Variants in TBC1D32 observed in about 807,000 individuals in gnomAD.
TBC1D32 encodes the protein TBC1 domain family member 32, also known as protein broad-minded.
A neutral mutation model predicts 170.3 loss-of-function variants in TBC1D32; 151 were observed. That is an observed-to-expected ratio of 0.89 (90% CI 0.78 to 1.01). The LOEUF (loss-of-function observed/expected upper bound fraction) is 1.01, where lower values mean the gene tolerates loss of function less well. Ranked by LOEUF, TBC1D32 falls within the 50% of genes least tolerant of loss-of-function variation. The probability of loss-of-function intolerance (pLI) is 0.00; values close to 1 mark genes in which losing one functional copy is unlikely to be tolerated. For missense variants in TBC1D32, 1,464 were observed against 1,457.1 expected (o/e 1.00, Z -0.08); for synonymous variants, 498 against 488.0 (o/e 1.02, Z -0.27).
intron 26 of TBC1D32, among the ~76,000 whole-genome samples, chr6:121,124,550 G>A (rs1411084242): frequency 1.3e-5 from 2 of 151,740 alleles, no homozygotes; most frequent in South Asian, 2.1e-4. Flanking sequence ...TGACCTTCTT[G>A]TATCTAGTCA....
intron 21 of TBC1D32, among the ~76,000 whole-genome samples, chr6:121,220,954 T>C (rs7450632): frequency 0.64 from 97,393 of 152,018 alleles, 36,721 homozygotes; most frequent in Non-Finnish European, 0.84. Flanking sequence ...AGATTTTCAA[T>C]GCAAACAAAA....
chr6:121,321,373 A>G (rs80245260), intron 2 of TBC1D32, among the ~76,000 whole-genome samples: 7,847 of 152,240 alleles, frequency 0.052, 399 homozygotes, highest in East Asian at 0.12. Context: ...GGAGAAAATG[A>G]TAAGAAATGG....
intron 24 of TBC1D32, among the ~76,000 whole-genome samples, chr6:121,156,199 T>G (rs1327905399): frequency 1.3e-5 from 2 of 151,884 alleles, no homozygotes; most frequent in Admixed American, 1.3e-4. Context: ...AAATTTGTTA[T>G]TGGTATGTTC....
intron 31 of TBC1D32, among the ~76,000 whole-genome samples, chr6:121,085,153 C>T (rs1776049333): frequency 6.7e-6 from 1 of 150,348 alleles, no homozygotes; most frequent in Admixed American, 6.7e-5. Flanking sequence ...TATAGTTCTG[C>T]TCTTTACCCT....
intron 26 of TBC1D32, among the ~76,000 whole-genome samples, chr6:121,121,047 G>GTATA (rs368377187): frequency 1.5e-4 from 23 of 151,670 alleles, no homozygotes; most frequent in African/African-American, 5.6e-4. Flanking sequence ...TATAGTATGT[G>GTATA]TATATATATA....
chr6:121,168,463 C>T (rs1388541117), intron 22 of TBC1D32, among the ~76,000 whole-genome samples: 1 of 85,312 alleles, frequency 1.2e-5, no homozygotes, highest in African/African-American at 3.7e-5. Flanking sequence ...ATCACAAGAA[C>T]AAAAAACCAA....
intron 24 of TBC1D32, among the ~76,000 whole-genome samples, chr6:121,141,143 A>G (rs1782736594): frequency 6.7e-6 from 1 of 150,336 alleles, no homozygotes; most frequent in African/African-American, 2.4e-5. Flanking sequence ...TAAATACATA[A>G]ACTCACTGTA....
In TBC1D32 at chr6:121,096,092, T is replaced by C. The variant is rs565263527; in HGVS notation, c.3466-5051A>G. The C allele has an allele frequency of 2.0e-5, 3 of 152,272 alleles. No individual in the cohort carries two copies. In the South Asian group the frequency reaches 6.2e-4, roughly 32 times the overall value. 9.4% of individuals were successfully genotyped at this position (152,272 alleles called of 1,614,324 possible). A position where few individuals can be genotyped will look rare whatever the true frequency, so the allele number is the denominator to read the frequency against. The stretch of plus-strand genomic sequence containing the variant: ...TTTTTTTGGTTGGTAGGGTATTAAT[T>C]ACTGCCATAATTTTTGAACTTATTA... On this transcript the variant is annotated intron_variant, in intron 30 of 31. Coordinates refer to ENST00000398212, the MANE Select transcript of TBC1D32 (RefSeq NM_152730.6).
chr6:121,124,917 A>T (rs967816271), intron 26 of TBC1D32, among the ~76,000 whole-genome samples: 12 of 152,140 alleles, frequency 7.9e-5, no homozygotes, highest in East Asian at 1.9e-4. Flanking sequence ...AATTTCTCTG[A>T]TAAGTTTCTG....
At chr6:121,101,969 G>C (rs1317100823) in intron 30 of TBC1D32, among the ~76,000 whole-genome samples, 1 of 152,062 alleles carries the variant, frequency 6.6e-6, no homozygotes, top group Admixed American at 6.6e-5. Flanking sequence ...GCCAAATCCT[G>C]AGTGAACTCC....
intron 30 of TBC1D32, among the ~76,000 whole-genome samples, 182 bp downstream of exon 30, chr6:121,105,841 A>G (rs188547130): frequency 3.5e-4 from 54 of 152,148 alleles, no homozygotes; most frequent in African/African-American, 1.3e-3. Flanking sequence ...AAATTCTGTG[A>G]ATGGTAGAAA....
intron 1 of TBC1D32, among the ~76,000 whole-genome samples, chr6:121,333,617 C>A (rs1811481383): frequency 6.6e-6 from 1 of 152,166 alleles, no homozygotes; most frequent in South Asian, 2.1e-4. Context: ...CGTTGGAACT[C>A]ATTGCTTTTA....
chr6:121,131,004 A>G (rs897375912), intron 25 of TBC1D32, among the ~76,000 whole-genome samples: 2 of 152,134 alleles, frequency 1.3e-5, no homozygotes, highest in African/African-American at 2.4e-5. Flanking sequence ...AAAACTATAA[A>G]GCATTGCTGA....
At chr6:121,238,648 C>G (rs1208220503) in intron 20 of TBC1D32, among the ~76,000 whole-genome samples, 1 of 152,068 alleles carries the variant, frequency 6.6e-6, no homozygotes, top group East Asian at 1.9e-4. Flanking sequence ...AGCATCTTCT[C>G]TCTGTCTGTA....
intron 29 of TBC1D32, among the ~76,000 whole-genome samples, chr6:121,108,886 G>A (rs1010737375): frequency 1.3e-5 from 2 of 152,086 alleles, no homozygotes; most frequent in Non-Finnish European, 2.9e-5. Flanking sequence ...GATGTGCCAC[G>A]CTTTACAGCA....
At chr6:121,239,424 C>T (rs1583345833) in intron 19 of TBC1D32, among the ~76,000 whole-genome samples, 1 of 152,154 alleles carries the variant, frequency 6.6e-6, no homozygotes, top group East Asian at 1.9e-4. Flanking sequence ...GAGACAATTT[C>T]CCTGGAAGAC....
At chr6:121,113,969 T>C (rs1379829116) in intron 27 of TBC1D32, among the ~76,000 whole-genome samples, 3 of 151,774 alleles carry the variant, frequency 2.0e-5, no homozygotes, top group Non-Finnish European at 4.4e-5. Context: ...AGGTCAGGAG[T>C]TTGAGACCAG....
At position 121,303,740 on chromosome 6, in the gene TBC1D32, C is replaced by T; in HGVS notation, c.957G>A (p.Glu319=). 1 of 1,551,924 alleles carries T rather than the reference C, an allele frequency of 6.4e-7. No homozygotes were observed. Among genetic ancestry groups the T allele is most frequent in the Non-Finnish European group, 8.8e-7 (1 of 1,140,472 alleles). ...TAACTGTTAACAAGGACAAAGTACT[C>T]TCCACAATTTCTTCCATATACCTTA... ...HPEKYMEEIV[E]STLSLLTVKH... The change falls in exon 9 of 32, where the codon GAG becomes GAA. Residue 319 remains glutamate (E), a synonymous_variant. Coordinates refer to ENST00000398212, the MANE Select transcript of TBC1D32 (RefSeq NM_152730.6).
At chr6:121,266,776 C>A (rs754503619) in intron 15 of TBC1D32, among the ~76,000 whole-genome samples, 1 of 151,958 alleles carries the variant, frequency 6.6e-6, no homozygotes, top group Non-Finnish European at 1.5e-5. Flanking sequence ...ATGGATGAAG[C>A]TGGAAACCAT....
Sources: allele counts gnomAD v4.1 joint callset (sites outside exome capture counted in the v4.1 genomes callset), GRCh38; gene constraint gnomAD v4.1.1; transcripts MANE v1.5; gene names NCBI Gene and HGNC (gene_info 2026-07-23, HGNC 2026-07-21).